Variants in MAMDC2 observed in about 807,000 individuals in gnomAD.
MAMDC2 encodes MAM domain containing 2.
MAMDC2 carries 57 observed loss-of-function variants against 89.8 expected under a neutral mutation model. The ratio of observed to expected loss-of-function variants is 0.63; its 90% CI spans 0.51 to 0.79. The LOEUF is 0.79. Ranked by LOEUF, MAMDC2 falls within the 30% of genes least tolerant of loss-of-function variation. The pLI, the probability that MAMDC2 is intolerant of heterozygous loss-of-function variation, is 0.00. For synonymous variants in MAMDC2, 313 were observed against 293.4 expected (o/e 1.07, Z -0.68); for missense variants, 800 against 820.6 (o/e 0.97, Z 0.31).
chr9:70,093,503 G>A (rs1189520641), intron 2 of MAMDC2, among the ~76,000 whole-genome samples: 1 of 148,398 alleles, frequency 6.7e-6, no homozygotes, highest in Non-Finnish European at 1.5e-5. Context: ...TCGGGTTACT[G>A]AAACCTCCAC....
At chr9:70,125,512 C>A (rs1265806861) in intron 5 of MAMDC2, among the ~76,000 whole-genome samples, 1 of 152,220 alleles carries the variant, frequency 6.6e-6, no homozygotes, top group African/African-American at 2.4e-5. Flanking sequence ...TGGAGGCCAG[C>A]CTCTGGGTCC....
At chr9:70,136,893 T>C (rs1317523245) in intron 7 of MAMDC2, among the ~76,000 whole-genome samples, 1 of 152,200 alleles carries the variant, frequency 6.6e-6, no homozygotes, top group South Asian at 2.1e-4. Flanking sequence ...ATCTTGTTCA[T>C]TTTTCACAGA....
chr9:70,117,266 C>A (rs1217479429), intron 5 of MAMDC2, among the ~76,000 whole-genome samples: 1 of 152,160 alleles, frequency 6.6e-6, no homozygotes, highest in Non-Finnish European at 1.5e-5. Flanking sequence ...AAATATGGCA[C>A]ATATACACCA....
intron 2 of MAMDC2, among the ~76,000 whole-genome samples, chr9:70,099,980 AAGAGAGAGAG>A (rs60292765): frequency 0.16 from 19,028 of 115,482 alleles, 1,430 homozygotes; most frequent in South Asian, 0.2. Context: ...GCCAAAAAGA[AAGAGAGAGAG>A]AGAGAGAGAG....
intron 4 of MAMDC2, among the ~76,000 whole-genome samples, chr9:70,110,041 T>A: frequency 6.6e-6 from 1 of 152,358 alleles, no homozygotes; most frequent in East Asian, 1.9e-4. Flanking sequence ...GAAATATAGA[T>A]GCAGGAACTG....
chr9:70,207,249 G>C (rs1270633755), intron 11 of MAMDC2, among the ~76,000 whole-genome samples: 1 of 152,230 alleles, frequency 6.6e-6, no homozygotes, highest in Non-Finnish European at 1.5e-5. Context: ...ACCACCAGCA[G>C]TGTAAAAGTG....
chr9:70,055,711 A>C (rs1457448994), intron 2 of MAMDC2, among the ~76,000 whole-genome samples: 1 of 152,218 alleles, frequency 6.6e-6, no homozygotes, highest in Non-Finnish European at 1.5e-5. Context: ...TTTCTTTTCC[A>C]TAACAGATTA....
chr9:70,176,033 G>T (rs79224096), intron 11 of MAMDC2: 1 of 152,148 alleles, frequency 6.6e-6, no homozygotes, highest in African/African-American at 2.4e-5. Flanking sequence ...TACCTCTTTG[G>T]AGAAGACACA....
chr9:70,083,782 C>T (rs1827708539), intron 2 of MAMDC2: 1 of 151,648 alleles, frequency 6.6e-6, no homozygotes, highest in South Asian at 2.1e-4. Flanking sequence ...AATGAATGCC[C>T]TGTAGTACTT....
At chr9:70,092,151 A>G (rs776862449) in intron 2 of MAMDC2, 4 of 152,226 alleles carry the variant, frequency 2.6e-5, no homozygotes, top group African/African-American at 7.2e-5. Context: ...CCATCAATGA[A>G]TATATGGTCT....
chr9:70,064,373 T>C (rs754236022), intron 2 of MAMDC2, among the ~76,000 whole-genome samples: 6 of 152,148 alleles, frequency 3.9e-5, no homozygotes, highest in Non-Finnish European at 7.3e-5. Flanking sequence ...TGCGTCCTTA[T>C]AGCTTAGCTC....
intron 11 of MAMDC2, among the ~76,000 whole-genome samples, chr9:70,206,950 G>A (rs1281148758): frequency 1.3e-5 from 2 of 152,056 alleles, no homozygotes; most frequent in Non-Finnish European, 2.9e-5. Context: ...CCCTACAAAG[G>A]ACAAGAACTC....
rs577739021 is a variant in MAMDC2, at chr9:70,080,884, G to C, written c.149-27327G>C. On this transcript the variant is annotated intron_variant, in intron 2 of 13. Coordinates refer to ENST00000377182, the MANE Select transcript of MAMDC2 (RefSeq NM_153267.5). ...AAAATCCTCCACTGTCAAATGAAGA[G>C]AGATTTGGGGTTACTGGTCCGGTTA... 2.2e-4 allele frequency among the ~76,000 whole-genome samples: 33 copies of C among 152,258 alleles called. No homozygotes were observed. The South Asian group carries it at 5.0e-3, about 23-fold the overall frequency.
intron 11 of MAMDC2, among the ~76,000 whole-genome samples, chr9:70,202,203 TTCCC>T (rs1214168296): frequency 6.6e-6 from 1 of 150,462 alleles, no homozygotes; most frequent in Non-Finnish European, 1.5e-5. Context: ...TGCTATAAAT[TTCCC>T]TCTACACACT....
At chr9:70,050,227 C>T (rs187283929) in intron 2 of MAMDC2, among the ~76,000 whole-genome samples, 2 of 150,980 alleles carry the variant, frequency 1.3e-5, no homozygotes, top group African/African-American at 2.4e-5. Context: ...TGATCTTCAG[C>T]GTGTAGAAAA....
intron 2 of MAMDC2, among the ~76,000 whole-genome samples, chr9:70,100,985 T>C (rs374353536): frequency 7.4e-4 from 112 of 152,348 alleles, no homozygotes; most frequent in African/African-American, 2.5e-3. Context: ...TATATAGTCA[T>C]GCACTGCATA....
chr9:70,114,832 C>T (rs1260212554), intron 5 of MAMDC2, among the ~76,000 whole-genome samples: 1 of 152,100 alleles, frequency 6.6e-6, no homozygotes, highest in Non-Finnish European at 1.5e-5. Context: ...AGAGTGGTCT[C>T]CTTCCTCCAT....
At chr9:70,209,539 G>A (rs2033304494) in intron 11 of MAMDC2, among the ~76,000 whole-genome samples, 2 of 42,022 alleles carry the variant, frequency 4.8e-5, no homozygotes, top group Admixed American at 2.9e-4. Flanking sequence ...ATTAGTCTGA[G>A]CGGTCTATCT....
At chr9:70,155,582 A>T (rs987036177) in intron 9 of MAMDC2, among the ~76,000 whole-genome samples, 3 of 152,218 alleles carry the variant, frequency 2.0e-5, no homozygotes, top group Non-Finnish European at 4.4e-5. Context: ...AGTCTCCTGC[A>T]TTCGACACCG....
Sources: gnomAD v4.1 joint callset for allele counts (sites outside exome capture counted in the v4.1 genomes callset) on GRCh38, gnomAD v4.1.1 for gene constraint, MANE v1.5 for transcripts, NCBI Gene and HGNC (gene_info 2026-07-23, HGNC 2026-07-21) for gene names.